The following CLVS1 variants were observed in gnomAD, a reference collection of about 807,000 sequenced individuals.
CLVS1 encodes clavesin-1.
In CLVS1, 10 loss-of-function variants were observed where a neutral mutation model predicts 33.1. The observed-to-expected ratio is 0.30, with a 90% CI of 0.19 to 0.51. The LOEUF is 0.51. Ranked by LOEUF, CLVS1 falls within the 20% of genes least tolerant of loss-of-function variation. The pLI, the probability that CLVS1 is intolerant of heterozygous loss-of-function variation, is 0.97. For synonymous variants in CLVS1, 163 were observed against 166.1 expected (o/e 0.98, Z 0.14); for missense variants, 343 against 433.4 (o/e 0.79, Z 1.85).
chr8:61,077,113 G>C (rs1804926940), intron 1 of CLVS1, among the ~76,000 whole-genome samples: 1 of 151,744 alleles, frequency 6.6e-6, no homozygotes. Flanking sequence ...TTGCTTTGTC[G>C]CCCATGCTGG....
chr8:61,253,544 A>G (rs1808998916), intron 2 of CLVS1, among the ~76,000 whole-genome samples: 1 of 152,154 alleles, frequency 6.6e-6, no homozygotes, highest in African/African-American at 2.4e-5. Flanking sequence ...TCTCCCTGTC[A>G]CTTTCAGGTA....
intron 1 of CLVS1, among the ~76,000 whole-genome samples, chr8:61,111,995 T>C (rs1309763040): frequency 6.6e-6 from 1 of 152,200 alleles, no homozygotes; most frequent in Non-Finnish European, 1.5e-5. Context: ...TGTAGAATTC[T>C]TGTTGAATAT....
intron 2 of CLVS1, among the ~76,000 whole-genome samples, chr8:61,194,389 A>T (rs1397572325): frequency 6.6e-6 from 1 of 151,832 alleles, no homozygotes; most frequent in Non-Finnish European, 1.5e-5. Flanking sequence ...TAACCAAAAA[A>T]CCCTGGCATT....
chr8:61,108,992 AG>A (rs984583436), intron 1 of CLVS1, among the ~76,000 whole-genome samples: 2 of 152,140 alleles, frequency 1.3e-5, no homozygotes, highest in African/African-American at 4.8e-5. Context: ...AGGGGTGAGG[AG>A]GGATTTTTCC....
At chr8:61,331,838 C>G (rs1026093508) in intron 2 of CLVS1, among the ~76,000 whole-genome samples, 10 of 150,212 alleles carry the variant, frequency 6.7e-5, no homozygotes, top group African/African-American at 1.0e-4. Flanking sequence ...CCTCCTCCTC[C>G]TCCTCCTCCT....
At chr8:61,330,587 G>A (rs1408225456) in intron 2 of CLVS1, among the ~76,000 whole-genome samples, 2 of 152,160 alleles carry the variant, frequency 1.3e-5, no homozygotes, top group Admixed American at 6.5e-5. Context: ...CAAACACACT[G>A]ACTAATATCT....
intron 2 of CLVS1, among the ~76,000 whole-genome samples, chr8:61,197,004 C>T (rs1202909107): frequency 6.6e-6 from 1 of 152,152 alleles, no homozygotes; most frequent in African/African-American, 2.4e-5. Context: ...CTGCTTCATC[C>T]ATGTAGACAG....
At chr8:61,341,410 A>G (rs985084587) in intron 2 of CLVS1, among the ~76,000 whole-genome samples, 1 of 152,332 alleles carries the variant, frequency 6.6e-6, no homozygotes, top group East Asian at 1.9e-4. Flanking sequence ...CACACGTACA[A>G]TGTGTTCACA....
At chr8:61,063,071 A>G (rs1804609318) in intron 1 of CLVS1, among the ~76,000 whole-genome samples, 1 of 152,190 alleles carries the variant, frequency 6.6e-6, no homozygotes, top group Non-Finnish European at 1.5e-5. Flanking sequence ...TAGGCCTAAA[A>G]AAGGTTAAAT....
intron 5 of CLVS1, among the ~76,000 whole-genome samples, chr8:61,491,841 C>T (rs1023793288): frequency 1.3e-5 from 2 of 152,156 alleles, no homozygotes; most frequent in African/African-American, 4.8e-5. Context: ...ATTACAAGTA[C>T]AATTTCACTT....
chr8:61,466,068 C>A (rs1563565710), intron 5 of CLVS1, among the ~76,000 whole-genome samples: 2 of 152,192 alleles, frequency 1.3e-5, no homozygotes, highest in African/African-American at 4.8e-5. Flanking sequence ...TCACTTTCTC[C>A]TACCTAATTT....
At chr8:61,379,001 A>G (rs960178762) in intron 3 of CLVS1, among the ~76,000 whole-genome samples, 4 of 152,132 alleles carry the variant, frequency 2.6e-5, no homozygotes, top group African/African-American at 9.7e-5. Flanking sequence ...ATAAATTCCA[A>G]CACCACTGGC....
chr8:61,482,878 GT>G (rs1293873094), intron 5 of CLVS1, among the ~76,000 whole-genome samples: 1 of 152,142 alleles, frequency 6.6e-6, no homozygotes, highest in Non-Finnish European at 1.5e-5. Flanking sequence ...AAATAAAGAT[GT>G]TCTTTGAAAC....
chr8:61,180,863 C>G (rs11995138), intron 2 of CLVS1, among the ~76,000 whole-genome samples: 14,720 of 152,208 alleles, frequency 0.097, 1,157 homozygotes, highest in African/African-American at 0.21. Flanking sequence ...CTGTTTATGA[C>G]AAACCAACAG....
intron 2 of CLVS1, among the ~76,000 whole-genome samples, chr8:61,373,864 A>T (rs1222652903): frequency 2.0e-5 from 3 of 152,212 alleles, no homozygotes; most frequent in Non-Finnish European, 4.4e-5. Context: ...GGCTGGGTTC[A>T]ACTAGGTAGC....
At chr8:61,308,469 G>T (rs1224444974) in intron 2 of CLVS1, among the ~76,000 whole-genome samples, 5 of 152,194 alleles carry the variant, frequency 3.3e-5, no homozygotes, top group Non-Finnish European at 7.3e-5. Flanking sequence ...TGCGCGCCAT[G>T]AGTCACGGTG....
chr8:61,040,594 A>G, the CLVS1 span, among the ~76,000 whole-genome samples: 1 of 152,076 alleles, frequency 6.6e-6, no homozygotes, highest in African/African-American at 2.4e-5. Flanking sequence ...ATTAGTGATG[A>G]TGAGCATTTT....
chr8:61,030,157 T>A, the CLVS1 span, among the ~76,000 whole-genome samples: 2 of 152,218 alleles, frequency 1.3e-5, no homozygotes, highest in Non-Finnish European at 2.9e-5. Flanking sequence ...GGTAAGGCTC[T>A]GGGAATCAGA....
chr8:61,463,650 C>G (rs1042019885), intron 5 of CLVS1, among the ~76,000 whole-genome samples: 1 of 152,198 alleles, frequency 6.6e-6, no homozygotes, highest in Non-Finnish European at 1.5e-5. Context: ...TCAGAAAACA[C>G]ACACCATTTA....
Sources: gnomAD v4.1 joint callset for allele counts (sites outside exome capture counted in the v4.1 genomes callset) on GRCh38, gnomAD v4.1.1 for gene constraint, MANE v1.5 for transcripts, NCBI Gene and HGNC (gene_info 2026-07-23, HGNC 2026-07-21) for gene names.